The following KDM4B variants were observed in gnomAD, a reference collection of about 807,000 sequenced individuals.
KDM4B encodes lysine demethylase 4B, also known as lysine-specific demethylase 4B.
Under a neutral mutation model 125.2 loss-of-function variants are expected in KDM4B, and 32 were observed. That is an observed-to-expected ratio of 0.26 (90% CI 0.19 to 0.34). KDM4B has a LOEUF of 0.34. Among genes scored for constraint, KDM4B ranks in the 10% least tolerant of loss-of-function variants. The probability of loss-of-function intolerance (pLI) is 1.00; values close to 1 mark genes in which losing one functional copy is unlikely to be tolerated. For missense variants in KDM4B, 1,190 were observed against 1,577.7 expected (o/e 0.75, Z 4.16); for synonymous variants, 721 against 677.9 (o/e 1.06, Z -0.99).
In KDM4B at chr19:4,975,759, A is replaced by G. The variant is rs141341911; in HGVS notation, c.-109+6529A>G. Among the ~76,000 whole-genome samples the G allele has an allele frequency of 7.3e-3, 1,099 of 151,138 alleles. 9 individuals are homozygous for G. The highest frequency in any genetic ancestry group is 0.024 in the African/African-American group (978 of 41,202). On this transcript the variant is annotated intron_variant, in intron 1 of 22. Transcript: ENST00000159111. Reference sequence around the variant, plus strand: ...AGGTGCATGCCACCACGCTCGACTAATTTTTGTATTTTTAGTAGAGATGGG... The same window carrying G: ...AGGTGCATGCCACCACGCTCGACTAGTTTTTGTATTTTTAGTAGAGATGGG...
intron 6 of KDM4B, among the ~76,000 whole-genome samples, chr19:5,056,821 T>C (rs2037409880): frequency 1.5e-5 from 2 of 137,772 alleles, no homozygotes; most frequent in South Asian, 5.2e-4. Flanking sequence ...GGGCGGGGAG[T>C]CCTGGGGTGT....
chr19:5,030,719 G>T (rs1451117524), intron 2 of KDM4B, among the ~76,000 whole-genome samples: 2 of 152,230 alleles, frequency 1.3e-5, no homozygotes, highest in Non-Finnish European at 2.9e-5. Flanking sequence ...GTGTGGCCTA[G>T]GCCCACAACT....
intron 2 of KDM4B, among the ~76,000 whole-genome samples, chr19:5,023,557 G>A (rs955879658): frequency 6.6e-6 from 1 of 152,118 alleles, no homozygotes; most frequent in Non-Finnish European, 1.5e-5. Context: ...AGGAACCAGC[G>A]AGATGGCAGC....
chr19:5,006,897 A>G (rs2035579004), intron 1 of KDM4B, among the ~76,000 whole-genome samples: 1 of 152,190 alleles, frequency 6.6e-6, no homozygotes, highest in South Asian at 2.1e-4. Flanking sequence ...GAGTGACAAC[A>G]GTGCCTTTCC....
At chr19:5,105,231 CAG>C (rs1159466579) in intron 9 of KDM4B, among the ~76,000 whole-genome samples, 1 of 152,240 alleles carries the variant, frequency 6.6e-6, no homozygotes, top group Non-Finnish European at 1.5e-5. Flanking sequence ...CAGGGGCAGT[CAG>C]AGGCCCGGAA....
intron 1 of KDM4B, among the ~76,000 whole-genome samples, chr19:4,989,990 T>G (rs1166094382): frequency 6.6e-6 from 1 of 152,072 alleles, no homozygotes; most frequent in African/African-American, 2.4e-5. Context: ...TTAATTTCCT[T>G]TAGAAACAGT....
intron 1 of KDM4B, among the ~76,000 whole-genome samples, chr19:4,969,772 A>G (rs1009655997): frequency 4.1e-5 from 6 of 147,308 alleles, no homozygotes; most frequent in Non-Finnish European, 7.5e-5. Flanking sequence ...CTAAATGCCT[A>G]TCATTGCTCC....
intron 1 of KDM4B, among the ~76,000 whole-genome samples, chr19:4,977,933 C>T (rs940158211): frequency 2.6e-5 from 4 of 152,196 alleles, no homozygotes; most frequent in Admixed American, 6.5e-5. Flanking sequence ...GGGACAGTCG[C>T]GTCATGTTGC....
intron 1 of KDM4B, among the ~76,000 whole-genome samples, chr19:5,012,557 G>A (rs1474916749): frequency 6.6e-6 from 1 of 152,156 alleles, no homozygotes; most frequent in Non-Finnish European, 1.5e-5. Flanking sequence ...TCTGGGCTGG[G>A]ACCACTCCCG....
At position 5,144,258 on chromosome 19, in the gene KDM4B, T is replaced by C. The variant is rs761069642; in HGVS notation, c.2747T>C (p.Leu916Pro). The C allele has an allele frequency of 1.3e-6, 2 of 1,597,154 alleles. No homozygotes were observed. The highest frequency in any genetic ancestry group is 1.1e-5 in the South Asian group (1 of 88,828). The change falls in exon 20 of 23, where the codon CTG (leucine) becomes CCG (proline). Residue 916 changes from leucine (L) to proline (P), a missense_variant. This residue lies in a region of KDM4B where 298 missense variants were observed against 439.7 expected (regional missense o/e 0.68). Transcript: ENST00000159111. ...TCCGCACCCTCCCAGGTCCAACTCC[T>C]GAGGGCCGTGTCCCTAGGCCAGGTG... is the stretch of plus-strand genomic sequence containing the variant. ...HKSGGHAVQL[L>P]RAVSLGQVVI...
chr19:5,005,688 TG>T (rs1481092133), intron 1 of KDM4B, among the ~76,000 whole-genome samples: 1 of 152,196 alleles, frequency 6.6e-6, no homozygotes, highest in East Asian at 1.9e-4. Context: ...GACCAGGCCT[TG>T]GGGGACTGTG....
intron 9 of KDM4B, among the ~76,000 whole-genome samples, chr19:5,106,181 C>T (rs1159795723): frequency 6.6e-6 from 1 of 152,222 alleles, no homozygotes; most frequent in Non-Finnish European, 1.5e-5. Flanking sequence ...CTTGCCAGCG[C>T]ACACCTCCCT....
intron 10 of KDM4B, among the ~76,000 whole-genome samples, chr19:5,118,049 A>G (rs2039291035): frequency 6.6e-6 from 1 of 152,112 alleles, no homozygotes; most frequent in South Asian, 2.1e-4. Context: ...GGTCAGGTCC[A>G]AGTGTCCCGA....
At chr19:5,027,036 G>A (rs1442732398) in intron 2 of KDM4B, among the ~76,000 whole-genome samples, 3 of 152,222 alleles carry the variant, frequency 2.0e-5, no homozygotes, top group African/African-American at 7.2e-5. Flanking sequence ...TGGCCCAGCT[G>A]AGGCCTTCAC....
chr19:5,061,018 G>C (rs545827669), intron 6 of KDM4B, among the ~76,000 whole-genome samples: 11 of 152,358 alleles, frequency 7.2e-5, no homozygotes, highest in Non-Finnish European at 1.5e-5. Context: ...ATTAAAGTGG[G>C]CTGGCGGTGT....
At chr19:5,070,800 G>C in intron 6 of KDM4B, 2 of 507,688 alleles carry the variant, frequency 3.9e-6, no homozygotes, top group South Asian at 5.4e-5. Context: ...CTCACTCCCC[G>C]CTCCTCCACC....
At position 5,152,395 on chromosome 19, in the gene KDM4B, C is replaced by G. The variant is rs1013779854; in HGVS notation, c.*884C>G. ...CTCACCTGAGAGAAACGCAGGTGTT[C>G]CAGAGGCTTCCTTGCAGACAAAGCA... On this transcript the variant is annotated 3_prime_UTR_variant, in exon 23 of 23. Transcript: ENST00000159111. 2 of 152,318 alleles carry G rather than the reference C, an allele frequency of 1.3e-5. No individual in the cohort carries two copies. Among genetic ancestry groups the G allele is most frequent in the Non-Finnish European group, 2.9e-5 (2 of 68,100 alleles). The allele number at this position is 152,318 out of a possible 1,614,324, so 9.4% of individuals were successfully genotyped here.
chr19:5,043,445 C>A (rs185703953), intron 5 of KDM4B, among the ~76,000 whole-genome samples: 24 of 137,050 alleles, frequency 1.8e-4, no homozygotes, highest in South Asian at 2.4e-4. Flanking sequence ...GGGGTGTCAA[C>A]CTTATCCCGC....
chr19:5,012,068 T>G (rs188770454), intron 1 of KDM4B, among the ~76,000 whole-genome samples: 1 of 152,322 alleles, frequency 6.6e-6, no homozygotes, highest in African/African-American at 2.4e-5. Flanking sequence ...GGGCTGTCAC[T>G]GCAGGCTTCT....
Sources: gnomAD v4.1 joint callset for allele counts (sites outside exome capture counted in the v4.1 genomes callset) on GRCh38, gnomAD v4.1.1 for gene constraint, gnomAD v4.1.1 regional missense constraint, MANE v1.5 for transcripts, NCBI Gene and HGNC (gene_info 2026-07-23, HGNC 2026-07-21) for gene names.